Variants in SYNPR observed in about 807,000 individuals in gnomAD.
SYNPR encodes the protein synaptoporin.
Under a neutral mutation model 32.9 loss-of-function variants are expected in SYNPR, and 23 were observed. The ratio of observed to expected loss-of-function variants is 0.70; its 90% CI spans 0.50 to 0.99. The LOEUF (loss-of-function observed/expected upper bound fraction) is 0.99, where lower values mean the gene tolerates loss of function less well. SYNPR is among the 50% of genes least tolerant of loss of function. The pLI is 0.00. For synonymous variants in SYNPR, 146 were observed against 135.9 expected, an observed-to-expected ratio of 1.07 and a Z score of -0.52; for missense variants, 318 against 349.3, an observed-to-expected ratio of 0.91 and a Z score of 0.71.
intron 4 of SYNPR, among the ~76,000 whole-genome samples, chr3:63,598,392 G>C (rs1699991897): frequency 6.6e-6 from 1 of 152,108 alleles, no homozygotes; most frequent in South Asian, 2.1e-4. Context: ...CTTATGAAAA[G>C]TGAGGGCAAC....
chr3:63,510,692 C>T (rs116668122), intron 3 of SYNPR, among the ~76,000 whole-genome samples: 3,683 of 152,128 alleles, frequency 0.024, 92 homozygotes, highest in Admixed American at 0.071. Context: ...TCTCTCAAGG[C>T]GTGTGAATTT....
chr3:63,394,527 G>C (rs1466303061), intron 2 of SYNPR, among the ~76,000 whole-genome samples: 1 of 152,104 alleles, frequency 6.6e-6, no homozygotes. Context: ...TCTGGCAATT[G>C]CATCTGTATT....
At chr3:63,452,280 G>GA (rs1200408236) in intron 2 of SYNPR, among the ~76,000 whole-genome samples, 2 of 152,130 alleles carry the variant, frequency 1.3e-5, no homozygotes, top group Non-Finnish European at 2.9e-5. Context: ...TCTAGTCGGG[G>GA]GGACAGGCAA....
intron 2 of SYNPR, among the ~76,000 whole-genome samples, chr3:63,344,533 G>A (rs1393775459): frequency 6.7e-6 from 1 of 149,070 alleles, no homozygotes; most frequent in African/African-American, 2.5e-5. Flanking sequence ...TGAGAAACAG[G>A]TGCATATTCA....
chr3:63,526,361 T>C (rs1275033048), intron 3 of SYNPR, among the ~76,000 whole-genome samples: 1 of 152,208 alleles, frequency 6.6e-6, no homozygotes, highest in Non-Finnish European at 1.5e-5. Flanking sequence ...ACATTTATTG[T>C]TTAGCTGTTC....
chr3:63,207,235 G>A, the SYNPR span, among the ~76,000 whole-genome samples: 1 of 152,236 alleles, frequency 6.6e-6, no homozygotes, highest in Non-Finnish European at 1.5e-5. Flanking sequence ...TTTACATTCA[G>A]TGACGTGTGC....
chr3:63,378,350 T>C (rs2087920562), intron 2 of SYNPR, among the ~76,000 whole-genome samples: 1 of 152,056 alleles, frequency 6.6e-6, no homozygotes, highest in Admixed American at 6.6e-5. Flanking sequence ...TATGTTTAGA[T>C]TGGGGTTCAT....
At chr3:63,357,795 C>T (rs897768037) in intron 2 of SYNPR, among the ~76,000 whole-genome samples, 5 of 152,174 alleles carry the variant, frequency 3.3e-5, no homozygotes, top group Admixed American at 3.3e-4. Flanking sequence ...TTTTGATTAG[C>T]ATCTAAGGAG....
At chr3:63,306,175 A>T (rs2086908948) in intron 2 of SYNPR, among the ~76,000 whole-genome samples, 2 of 151,952 alleles carry the variant, frequency 1.3e-5, no homozygotes, top group Admixed American at 6.6e-5. Context: ...CCCAGGAGGC[A>T]AGGACTGCTG....
At chr3:63,512,039 G>A (rs533033131) in intron 3 of SYNPR, among the ~76,000 whole-genome samples, 49 of 152,114 alleles carry the variant, frequency 3.2e-4, no homozygotes, top group African/African-American at 1.2e-3. Context: ...TACTGACACA[G>A]ACACACATAC....
intron 2 of SYNPR, among the ~76,000 whole-genome samples, chr3:63,408,332 G>GA (rs1374417143): frequency 7.7e-6 from 1 of 129,750 alleles, no homozygotes; most frequent in African/African-American, 3.3e-5. Context: ...AAGAAAGAAA[G>GA]AAAGAAAGAA....
At chr3:63,337,043 C>T (rs2087304296) in intron 2 of SYNPR, among the ~76,000 whole-genome samples, 1 of 151,766 alleles carries the variant, frequency 6.6e-6, no homozygotes, top group Admixed American at 6.6e-5. Flanking sequence ...ACCAGCCTGG[C>T]CAACATGGTG....
Position 63,615,505 on chromosome 3 carries a change from G to C in SYNPR, c.*24G>C. The C allele has an allele frequency of 6.3e-7, 1 of 1,598,860 alleles. No individual in the cohort carries two copies. On this transcript the variant is annotated 3_prime_UTR_variant, in exon 6 of 6. Transcript: ENST00000478300. ...AACAGAGTAGCATTTGCATTCTTCTGCAGTCGCCTCACCATCTTCCATTTC... is the reference window on the plus strand; with the variant it reads ...AACAGAGTAGCATTTGCATTCTTCTCCAGTCGCCTCACCATCTTCCATTTC...
intron 4 of SYNPR, among the ~76,000 whole-genome samples, chr3:63,575,895 A>G (rs542917022): frequency 6.6e-6 from 1 of 152,284 alleles, no homozygotes; most frequent in African/African-American, 2.4e-5. Flanking sequence ...GCTAAACTCT[A>G]TTTCAGTAAA....
chr3:63,392,549 T>C (rs553310209), intron 2 of SYNPR, among the ~76,000 whole-genome samples: 1 of 152,202 alleles, frequency 6.6e-6, no homozygotes, highest in Non-Finnish European at 1.5e-5. Context: ...AGGGAGATAA[T>C]GTATGGGGAA....
At chr3:63,395,415 G>C (rs1055541228) in intron 2 of SYNPR, among the ~76,000 whole-genome samples, 5 of 152,174 alleles carry the variant, frequency 3.3e-5, no homozygotes, top group Non-Finnish European at 7.4e-5. Context: ...AATAATAACA[G>C]TAACAAAAAT....
intron 2 of SYNPR, among the ~76,000 whole-genome samples, chr3:63,404,949 A>T (rs566602266): frequency 2.0e-5 from 3 of 152,206 alleles, no homozygotes; most frequent in Non-Finnish European, 4.4e-5. Context: ...AGAAATTACC[A>T]GCCAGCAGTG....
chr3:63,577,974 T>C (rs1415587130), intron 4 of SYNPR, among the ~76,000 whole-genome samples: 1 of 152,146 alleles, frequency 6.6e-6, no homozygotes, highest in Non-Finnish European at 1.5e-5. Context: ...GAGAGAGCAA[T>C]AGAGTCTAAT....
Position 63,524,850 on chromosome 3 carries a change from T to C in SYNPR, c.210-31693T>C, listed in dbSNP as rs796227579. Among the ~76,000 whole-genome samples the C allele has an allele frequency of 2.5e-4, 31 of 124,450 alleles. 1 individual carries two copies. In the South Asian group the frequency reaches 3.6e-3, roughly 14 times the overall value. The allele number at this position is 124,450 out of a possible 152,430, so 81.6% of individuals were successfully genotyped here. On this transcript the variant is annotated intron_variant, in intron 3 of 5. Transcript: ENST00000478300. ...GTGTGTGTGTGTGTGTGTGTGTGTG[T>C]GCATGTGTGTGTGTGTGTGTGAGAG...
Sources: gnomAD v4.1 joint callset for allele counts (sites outside exome capture counted in the v4.1 genomes callset) on GRCh38, gnomAD v4.1.1 for gene constraint, MANE v1.5 for transcripts, NCBI Gene and HGNC (gene_info 2026-07-23, HGNC 2026-07-21) for gene names.